The following HSPA12A variants were observed in gnomAD, a reference collection of about 807,000 sequenced individuals.
HSPA12A encodes heat shock 70 kDa protein 12A.
Under a neutral mutation model 69.2 loss-of-function variants are expected in HSPA12A, and 28 were observed. The observed-to-expected ratio is 0.40, with a 90% confidence interval of 0.30 to 0.55. The LOEUF (loss-of-function observed/expected upper bound fraction) is 0.55, where lower values mean the gene tolerates loss of function less well. HSPA12A is among the 20% of genes least tolerant of loss of function. The pLI is 0.38. For missense variants in HSPA12A, 686 were observed against 900.7 expected (o/e 0.76, Z 3.05); for synonymous variants, 345 against 370.5 (o/e 0.93, Z 0.79).
intron 6 of HSPA12A, among the ~76,000 whole-genome samples, chr10:116,688,344 C>T (rs989133904): frequency 6.6e-6 from 1 of 152,224 alleles, no homozygotes; most frequent in South Asian, 2.1e-4. Context: ...GAACCAAGAG[C>T]ATGCTTCCCC....
intron 1 of HSPA12A, among the ~76,000 whole-genome samples, chr10:116,725,604 G>A (rs1850927481): frequency 6.6e-6 from 1 of 152,130 alleles, no homozygotes; most frequent in Non-Finnish European, 1.5e-5. Flanking sequence ...ATGAGTATGG[G>A]ACTGGGGAGA....
intron 1 of HSPA12A, among the ~76,000 whole-genome samples, chr10:116,713,193 C>A (rs1850497362): frequency 6.6e-6 from 1 of 151,094 alleles, no homozygotes; most frequent in African/African-American, 2.4e-5. Flanking sequence ...AACATCTTTT[C>A]AGAAGGAAAA....
intron 2 of HSPA12A, among the ~76,000 whole-genome samples, chr10:116,802,519 G>T (rs1844979066): frequency 6.6e-6 from 1 of 152,232 alleles, no homozygotes; most frequent in African/African-American, 2.4e-5. Flanking sequence ...GTTCTTAGCA[G>T]AGGTAACAAA....
At chr10:116,714,549 C>A (rs56295872) in intron 1 of HSPA12A, among the ~76,000 whole-genome samples, 385 of 152,238 alleles carry the variant, frequency 2.5e-3, no homozygotes, top group Non-Finnish European at 3.0e-3. Flanking sequence ...CTGGGCCTGC[C>A]CCCTCCCCCA....
At chr10:116,715,024 C>T (rs1850564178) in intron 1 of HSPA12A, among the ~76,000 whole-genome samples, 1 of 152,172 alleles carries the variant, frequency 6.6e-6, no homozygotes, top group African/African-American at 2.4e-5. Flanking sequence ...CTGGAAAACC[C>T]AGATGGGGGA....
In HSPA12A at chr10:116,681,150, A is replaced by C; in HGVS notation, c.1027+2T>G. 6.2e-7 allele frequency: 1 copy of C among 1,608,184 alleles called. No homozygotes were observed. Among genetic ancestry groups the C allele is most frequent in the Non-Finnish European group, 8.5e-7 (1 of 1,174,616 alleles). On this transcript the variant is annotated splice_donor_variant, in intron 9 of 11. Coordinates refer to ENST00000369209, the MANE Select transcript of HSPA12A (RefSeq NM_025015.3). LOFTEE classifies it high-confidence loss of function. ...AAGAAAATTAGCCCTGCAGGGCCTC[A>C]CCTGTTGCTTTATACAGTTCCTTAA... is the stretch of plus-strand genomic sequence containing the variant.
chr10:116,811,411 C>G (rs1845179900), intron 2 of HSPA12A, among the ~76,000 whole-genome samples: 1 of 152,208 alleles, frequency 6.6e-6, no homozygotes, highest in African/African-American at 2.4e-5. Flanking sequence ...GCCATCTACA[C>G]TCAGACCCTC....
At chr10:116,788,136 TC>T (rs1330986763) in intron 2 of HSPA12A, among the ~76,000 whole-genome samples, 1 of 152,142 alleles carries the variant, frequency 6.6e-6, no homozygotes, top group Non-Finnish European at 1.5e-5. Context: ...CGCGCGTACA[TC>T]CTGTCTCTAC....
intron 5 of HSPA12A, among the ~76,000 whole-genome samples, chr10:116,695,401 C>G (rs1162054398): frequency 6.6e-6 from 1 of 152,138 alleles, no homozygotes; most frequent in Non-Finnish European, 1.5e-5. Flanking sequence ...AAAGGGCTTG[C>G]GGCCAGGTGT....
At chr10:116,838,640 T>C (rs1004362397) in intron 1 of HSPA12A, among the ~76,000 whole-genome samples, 10 of 152,346 alleles carry the variant, frequency 6.6e-5, no homozygotes, top group Middle Eastern at 3.4e-3. Context: ...TGGATCTCCA[T>C]AGCACATTTT....
At chr10:116,748,560 T>C (rs1331928111) in intron 2 of HSPA12A, among the ~76,000 whole-genome samples, 4 of 152,194 alleles carry the variant, frequency 2.6e-5, no homozygotes, top group Non-Finnish European at 5.9e-5. Flanking sequence ...TTCACACTGC[T>C]GACAAAGACA....
At chr10:116,790,825 G>A (rs1844687580) in intron 2 of HSPA12A, among the ~76,000 whole-genome samples, 1 of 152,074 alleles carries the variant, frequency 6.6e-6, no homozygotes, top group Non-Finnish European at 1.5e-5. Flanking sequence ...CAAGTAGCTG[G>A]AACTACAGGA....
At chr10:116,727,770 G>GTTTTTTTTTTTTT (rs1489615337) in intron 1 of HSPA12A, among the ~76,000 whole-genome samples, 1 of 45,984 alleles carries the variant, frequency 2.2e-5, no homozygotes. Context: ...TTTTTTTTTG[G>GTTTTTTTTTTTTT]TTTTTTGGAA....
intron 2 of HSPA12A, among the ~76,000 whole-genome samples, chr10:116,797,570 C>T (rs1029861502): frequency 2.0e-5 from 3 of 152,162 alleles, no homozygotes; most frequent in Admixed American, 2.0e-4. Context: ...ACGTCTCCTG[C>T]CTCCAAATGC....
At chr10:116,754,632 C>A (rs1843789450) in intron 2 of HSPA12A, among the ~76,000 whole-genome samples, 1 of 152,056 alleles carries the variant, frequency 6.6e-6, no homozygotes, top group Non-Finnish European at 1.5e-5. Context: ...GAACTAAATA[C>A]TCAAAAGTCA....
chr10:116,701,139 A>G lies in HSPA12A; in HGVS notation c.255-10T>C. ...ACCTCCCTCCCATCGCCTGCCACCA[A>G]GGGAAGCAGAAGTTATGGGGCCTTC... On this transcript the variant is annotated splice_polypyrimidine_tract_variant and intron_variant, in intron 3 of 11. Coordinates refer to ENST00000369209, the MANE Select transcript of HSPA12A (RefSeq NM_025015.3). 1 of 1,612,974 alleles carries G rather than the reference A, an allele frequency of 6.2e-7. No individual in the cohort carries two copies. The highest frequency in any genetic ancestry group is 8.5e-7 in the Non-Finnish European group (1 of 1,179,466).
At chr10:116,742,399 C>T in intron 1 of HSPA12A, 31 bp downstream of exon 1, 1 of 1,431,656 alleles carries the variant, frequency 7.0e-7, no homozygotes, top group Non-Finnish European at 9.1e-7. Flanking sequence ...CCCCGCCAGC[C>T]GCGGCCGCAG....
intron 2 of HSPA12A, among the ~76,000 whole-genome samples, chr10:116,804,328 C>G (rs781108800): frequency 6.6e-6 from 1 of 152,192 alleles, no homozygotes; most frequent in Non-Finnish European, 1.5e-5. Flanking sequence ...GAGGCTGGGT[C>G]CGCCGTGAAG....
At chr10:116,695,278 T>C (rs1368338066) in intron 5 of HSPA12A, among the ~76,000 whole-genome samples, 2 of 152,066 alleles carry the variant, frequency 1.3e-5, no homozygotes, top group African/African-American at 2.4e-5. Flanking sequence ...CGAAAACTCA[T>C]GTGTTGGAAA....
Sources: gnomAD v4.1 joint callset for allele counts (sites outside exome capture counted in the v4.1 genomes callset) on GRCh38, gnomAD v4.1.1 for gene constraint, MANE v1.5 for transcripts, NCBI Gene and HGNC (gene_info 2026-07-23, HGNC 2026-07-21) for gene names.